Variants in PLCH1 observed in about 807,000 individuals in gnomAD.
PLCH1 encodes 1-phosphatidylinositol 4,5-bisphosphate phosphodiesterase eta-1.
A neutral mutation model predicts 126.7 loss-of-function variants in PLCH1; 60 were observed. The ratio of observed to expected loss-of-function variants is 0.47; its 90% CI spans 0.38 to 0.59. The LOEUF (loss-of-function observed/expected upper bound fraction) is 0.59, where lower values mean the gene tolerates loss of function less well. Among genes scored for constraint, PLCH1 ranks in the 20% least tolerant of loss-of-function variants. The pLI is 0.00. For synonymous variants in PLCH1, 719 were observed against 734.9 expected, an observed-to-expected ratio of 0.98 and a Z score of 0.35; for missense variants, 1,723 against 2,040.0, an observed-to-expected ratio of 0.84 and a Z score of 2.99.
At position 155,701,803 on chromosome 3, in the gene PLCH1, A is replaced by G. The variant is rs1284749111; in HGVS notation, c.79+2343T>C. On this transcript the variant is annotated intron_variant, in intron 2 of 22. Transcript: ENST00000460012. ...CTCACAATTCTTCCTTAAGTCAAGTAAGTTCCTATGTTAACAGATTCATTT... is the reference window on the plus strand; with the variant it reads ...CTCACAATTCTTCCTTAAGTCAAGTGAGTTCCTATGTTAACAGATTCATTT... 3.9e-5 allele frequency among the ~76,000 whole-genome samples: 6 copies of G among 152,228 alleles called. No homozygotes were observed. In the East Asian group the frequency reaches 9.6e-4, roughly 24 times the overall value.
intron 10 of PLCH1, among the ~76,000 whole-genome samples, chr3:155,532,425 C>T (rs1438701418): frequency 2.0e-5 from 3 of 152,158 alleles, no homozygotes; most frequent in Non-Finnish European, 4.4e-5. Flanking sequence ...ATCTGAAATT[C>T]TAGATCACAG....
intron 21 of PLCH1, among the ~76,000 whole-genome samples, chr3:155,466,257 C>T (rs1229895577): frequency 1.3e-5 from 2 of 152,158 alleles, no homozygotes; most frequent in Non-Finnish European, 2.9e-5. Flanking sequence ...GGTCTTCACC[C>T]CCAGGTTTAC....
chr3:155,655,139 C>T (rs572703516), intron 2 of PLCH1, among the ~76,000 whole-genome samples: 41 of 152,134 alleles, frequency 2.7e-4, no homozygotes, highest in Non-Finnish European at 5.3e-4. Flanking sequence ...GATTCTTCTA[C>T]CTAAAATATT....
intron 10 of PLCH1, among the ~76,000 whole-genome samples, chr3:155,541,937 A>G (rs1357283799): frequency 6.6e-6 from 1 of 152,228 alleles, no homozygotes; most frequent in African/African-American, 2.4e-5. Context: ...CTCCGGGTCT[A>G]CAGCTCCCAG....
chr3:155,484,732 T>C (rs977476497), intron 22 of PLCH1, among the ~76,000 whole-genome samples: 18 of 152,138 alleles, frequency 1.2e-4, no homozygotes, highest in African/African-American at 3.9e-4. Context: ...GAGTCAATGA[T>C]ACACTCAAAT....
intron 2 of PLCH1, among the ~76,000 whole-genome samples, chr3:155,625,698 T>C (rs1483030018): frequency 6.6e-6 from 1 of 152,172 alleles, no homozygotes; most frequent in Non-Finnish European, 1.5e-5. Context: ...CCAGTTAGAA[T>C]GGCGATCATT....
At chr3:155,690,902 C>T (rs1277636196) in intron 2 of PLCH1, among the ~76,000 whole-genome samples, 2 of 152,128 alleles carry the variant, frequency 1.3e-5, no homozygotes, top group East Asian at 3.9e-4. Context: ...GGCTGAGAGT[C>T]TGCATTTTTA....
intron 2 of PLCH1, chr3:155,658,219 G>T: frequency 4.9e-6 from 1 of 205,502 alleles, no homozygotes; most frequent in South Asian, 9.6e-5. Context: ...GGACCGTTCT[G>T]ATCATCCTCC....
At chr3:155,634,818 G>A (rs1160229928) in intron 2 of PLCH1, among the ~76,000 whole-genome samples, 1 of 152,176 alleles carries the variant, frequency 6.6e-6, no homozygotes, top group Non-Finnish European at 1.5e-5. Context: ...TCTTAAAGTT[G>A]TATTTCTTTA....
At chr3:155,720,752 T>C (rs1345193125) in intron 1 of PLCH1, among the ~76,000 whole-genome samples, 1 of 152,224 alleles carries the variant, frequency 6.6e-6, no homozygotes, top group African/African-American at 2.4e-5. Flanking sequence ...TATATTTCTT[T>C]TTGTTGCATT....
At chr3:155,651,302 T>C (rs1231169713) in intron 2 of PLCH1, among the ~76,000 whole-genome samples, 1 of 152,228 alleles carries the variant, frequency 6.6e-6, no homozygotes, top group Non-Finnish European at 1.5e-5. Flanking sequence ...AAAACTTAAA[T>C]GTCCATCAGA....
rs145813030 is a variant in PLCH1 at position 155,744,606 on chromosome 3, C to T, written c.-41+234G>A. Among the ~76,000 whole-genome samples the T allele has an allele frequency of 1.3e-3, 193 of 152,322 alleles. 1 individual carries two copies. Among genetic ancestry groups the T allele is most frequent in the African/African-American group, 4.4e-3 (181 of 41,582 alleles). On this transcript the variant is annotated intron_variant, in intron 1 of 22. Coordinates refer to ENST00000460012, the MANE Select transcript of PLCH1 (RefSeq NM_014996.4). ...TTTCGCGGACACACACACCCACCCT[C>T]ATCCTTCTGAATTATGGGACCCTGA...
intron 13 of PLCH1, among the ~76,000 whole-genome samples, chr3:155,501,250 C>G (rs552460670): frequency 1.3e-5 from 2 of 152,114 alleles, no homozygotes; most frequent in Non-Finnish European, 2.9e-5. Flanking sequence ...ACCATTTCTG[C>G]TTTTGATCAG....
chr3:155,633,062 T>C (rs1043260235), intron 2 of PLCH1, among the ~76,000 whole-genome samples: 2 of 152,128 alleles, frequency 1.3e-5, no homozygotes, highest in Non-Finnish European at 2.9e-5. Context: ...TTTCTCTTTT[T>C]ACCATGATAA....
chr3:155,697,923 G>GCT (rs1352225105), intron 2 of PLCH1, among the ~76,000 whole-genome samples: 1 of 152,154 alleles, frequency 6.6e-6, no homozygotes, highest in Non-Finnish European at 1.5e-5. Flanking sequence ...AAAAGCCTTT[G>GCT]CTCTCTCTTC....
At chr3:155,478,244 G>A (rs1285914434), downstream of PLCH1, among the ~76,000 whole-genome samples, 1 of 152,140 alleles carries the variant, frequency 6.6e-6, no homozygotes, top group African/African-American at 2.4e-5. Flanking sequence ...CATAGGCTGG[G>A]AAGTGTAGTG....
At chr3:155,689,328 C>T (rs944251381) in intron 2 of PLCH1, among the ~76,000 whole-genome samples, 5 of 152,002 alleles carry the variant, frequency 3.3e-5, no homozygotes, top group African/African-American at 9.7e-5. Context: ...AAGTTTAGAC[C>T]GTGAAGACTA....
intron 2 of PLCH1, among the ~76,000 whole-genome samples, chr3:155,694,975 C>T (rs1252172252): frequency 2.6e-5 from 3 of 117,188 alleles, no homozygotes; most frequent in African/African-American, 1.0e-4. Context: ...TTTTTTAATG[C>T]AGGTCTATTC....
intron 2 of PLCH1, among the ~76,000 whole-genome samples, chr3:155,689,202 T>C (rs559947709): frequency 6.6e-6 from 1 of 152,224 alleles, no homozygotes; most frequent in African/African-American, 2.4e-5. Flanking sequence ...CCAGATCTTA[T>C]CTAAGACCAC....
Sources: gnomAD v4.1 joint callset for allele counts (sites outside exome capture counted in the v4.1 genomes callset) on GRCh38, gnomAD v4.1.1 for gene constraint, MANE v1.5 for transcripts, NCBI Gene and HGNC (gene_info 2026-07-23, HGNC 2026-07-21) for gene names.